The following TLE1 variants were observed in gnomAD, a reference collection of about 807,000 sequenced individuals.
TLE1 encodes transducin-like enhancer protein 1.
Under a neutral mutation model 89.8 loss-of-function variants are expected in TLE1, and 21 were observed. That is an observed-to-expected ratio of 0.23 (90% confidence interval 0.17 to 0.34). The LOEUF is 0.34. Among genes scored for constraint, TLE1 ranks in the 10% least tolerant of loss-of-function variants. The pLI is 1.00. For synonymous variants in TLE1, 447 were observed against 407.6 expected (o/e 1.10, Z -1.16); for missense variants, 795 against 1,031.2 (o/e 0.77, Z 3.14).
intron 16 of TLE1, among the ~76,000 whole-genome samples, chr9:81,589,059 C>T (rs1025458722): frequency 2.6e-5 from 4 of 152,200 alleles, no homozygotes; most frequent in African/African-American, 7.2e-5. Context: ...GTCCTCTCTC[C>T]TGCGGCCGTG....
At chr9:81,614,507 C>T (rs1391345488) in intron 11 of TLE1, among the ~76,000 whole-genome samples, 1 of 152,124 alleles carries the variant, frequency 6.6e-6, no homozygotes, top group Non-Finnish European at 1.5e-5. Context: ...ACAACACAGT[C>T]CAAGAACCAC....
In TLE1 at chr9:81,590,861, T is replaced by C. The variant is rs774927089; in HGVS notation, c.1773A>G (p.Ser591=). 9 of 1,614,094 alleles carry C rather than the reference T, an allele frequency of 5.6e-6. No individual in the cohort carries two copies. The highest frequency in any genetic ancestry group is 1.1e-5 in the South Asian group (1 of 91,094). The change falls in exon 16 of 20, where the codon TCA becomes TCG. Residue 591 remains serine, a synonymous_variant. Transcript: ENST00000376499. ...AISPDSKVCF[S]CCSDGNIAVW... ...CAGCGATGTTGCCGTCGCTGCAGCA[T>C]GAGAAGCAGACCTTGGAATCGGGGC...
At chr9:81,594,978 TAATCTC>T (rs1287121407) in intron 14 of TLE1, among the ~76,000 whole-genome samples, 1 of 152,182 alleles carries the variant, frequency 6.6e-6, no homozygotes, top group East Asian at 1.9e-4. Flanking sequence ...TCACAGGACA[TAATCTC>T]AATCTGTTAT....
At chr9:81,602,747 A>T (rs939749094) in intron 14 of TLE1, among the ~76,000 whole-genome samples, 9 of 152,200 alleles carry the variant, frequency 5.9e-5, no homozygotes, top group African/African-American at 2.2e-4. Context: ...CAGCAATCTG[A>T]TGAGGAAGGA....
chr9:81,670,344 G>C (rs1473268592), intron 4 of TLE1, among the ~76,000 whole-genome samples: 2 of 149,420 alleles, frequency 1.3e-5, no homozygotes, highest in East Asian at 3.9e-4. Flanking sequence ...TTTTTTTTTT[G>C]AGACAGAGTC....
intron 4 of TLE1, among the ~76,000 whole-genome samples, chr9:81,670,726 T>A (rs77020096): frequency 6.3e-3 from 74 of 11,712 alleles, no homozygotes; most frequent in African/African-American, 0.043. Flanking sequence ...AAAAAAAAAA[T>A]TAAAAAAAAA....
intron 15 of TLE1, 25 bp from the exon 16 acceptor site, chr9:81,591,077 C>T (rs1829418916): frequency 8.7e-6 from 14 of 1,601,398 alleles, no homozygotes; most frequent in Non-Finnish European, 1.2e-5. Context: ...TAATTCATTG[C>T]TATAATGAAT....
chr9:81,616,745 G>C (rs1480692659), intron 9 of TLE1, 46 bp from the exon 10 acceptor site: 10 of 1,605,434 alleles, frequency 6.2e-6, no homozygotes, highest in African/African-American at 1.3e-5. Context: ...GCTAAGAATA[G>C]GTTTGAGGCA....
At chr9:81,642,283 A>G (rs1032618877) in intron 6 of TLE1, among the ~76,000 whole-genome samples, 2 of 152,124 alleles carry the variant, frequency 1.3e-5, no homozygotes, top group African/African-American at 4.8e-5. Flanking sequence ...TGGATTCTGG[A>G]TTTTTTTCAG....
chr9:81,590,752 A>G (rs1389155161), intron 16 of TLE1, 53 bp downstream of exon 16: 1 of 1,585,504 alleles, frequency 6.3e-7, no homozygotes, highest in African/African-American at 1.3e-5. Flanking sequence ...CAGAGGTGAT[A>G]GGCCCAGCTG....
intron 5 of TLE1, among the ~76,000 whole-genome samples, chr9:81,653,629 T>C (rs1172487241): frequency 1.3e-5 from 2 of 152,222 alleles, no homozygotes; most frequent in Non-Finnish European, 2.9e-5. Context: ...GAACCATTTT[T>C]AAAAGTCAGT....
intron 14 of TLE1, chr9:81,599,923 T>G (rs13287073): frequency 1.9e-6 from 1 of 515,188 alleles, no homozygotes; most frequent in Non-Finnish European, 3.5e-6. Flanking sequence ...TAAAGGCAAA[T>G]ACAAAACTTC....
Position 81,688,290 on chromosome 9 carries a change from T to C in TLE1, c.-50A>G. On this transcript the variant is annotated 5_prime_UTR_variant, in exon 1 of 20. Transcript: ENST00000376499. ...GTTCCCCGGCAACTCAATTCTCCGG[T>C]CAATTTCCAACTTTAATCCCGCCGA... 2.0e-6 allele frequency: 3 copies of C among 1,520,084 alleles called. No homozygotes were observed. Among genetic ancestry groups the C allele is most frequent in the Non-Finnish European group, 2.6e-6 (3 of 1,138,640 alleles). The allele number at this position is 1,520,084 out of a possible 1,614,324, so 94.2% of individuals were successfully genotyped here.
At chr9:81,649,396 T>G (rs1445331947) in intron 6 of TLE1, among the ~76,000 whole-genome samples, 1 of 152,144 alleles carries the variant, frequency 6.6e-6, no homozygotes, top group African/African-American at 2.4e-5. Flanking sequence ...ACCTAGAAGC[T>G]GGATGTCCTT....
chr9:81,599,311 A>G (rs1037461891), intron 14 of TLE1, among the ~76,000 whole-genome samples: 1 of 152,102 alleles, frequency 6.6e-6, no homozygotes, highest in African/African-American at 2.4e-5. Flanking sequence ...TGGAGCTGTT[A>G]ATCTTTACCT....
At chr9:81,587,593 C>A in intron 17 of TLE1, 88 bp downstream of exon 17, 1 of 1,457,382 alleles carries the variant, frequency 6.9e-7, no homozygotes, top group Admixed American at 2.7e-5. Flanking sequence ...CCACTACCAT[C>A]CTAGGGTAAA....
At chr9:81,649,434 TAAAGAG>T (rs1418011379) in intron 6 of TLE1, among the ~76,000 whole-genome samples, 4 of 152,188 alleles carry the variant, frequency 2.6e-5, no homozygotes, top group African/African-American at 9.7e-5. Flanking sequence ...CCAGGTTTGA[TAAAGAG>T]AAATATCTTT....
intron 4 of TLE1, among the ~76,000 whole-genome samples, chr9:81,662,364 TGTG>T (rs1830917574): frequency 1.9e-5 from 1 of 53,214 alleles, no homozygotes; most frequent in Non-Finnish European, 3.8e-5. Flanking sequence ...GCCTGTTTTG[TGTG>T]TGTGTGTGTG....
At chr9:81,618,359 A>G (rs1824816719) in intron 9 of TLE1, among the ~76,000 whole-genome samples, 1 of 152,212 alleles carries the variant, frequency 6.6e-6, no homozygotes, top group South Asian at 2.1e-4. Context: ...AATCTAGTCT[A>G]GAAAGTTTAC....
Sources: allele counts gnomAD v4.1 joint callset (sites outside exome capture counted in the v4.1 genomes callset), GRCh38; gene constraint gnomAD v4.1.1; transcripts MANE v1.5; gene names NCBI Gene and HGNC (gene_info 2026-07-23, HGNC 2026-07-21).